RGS3: variants seen among roughly 807,000 people sequenced by gnomAD.
The protein encoded by RGS3 is regulator of G-protein signalling 3.
Under a neutral mutation model 132.6 loss-of-function variants are expected in RGS3, and 80 were observed. The observed-to-expected ratio is 0.60, with a 90% CI of 0.50 to 0.73. RGS3 has a LOEUF of 0.73. RGS3 is among the 30% of genes least tolerant of loss of function. The pLI, the probability that RGS3 is intolerant of heterozygous loss-of-function variation, is 0.00. For synonymous variants in RGS3, 598 were observed against 620.6 expected (o/e 0.96, Z 0.54); for missense variants, 1,382 against 1,530.8 (o/e 0.90, Z 1.62).
Position 113,484,130 on chromosome 9 carries a change from A to T in RGS3, c.526-8A>T. ...CCGCTAATCATGCTTCCTTTTTTCCAATTCAAGATTTCTTTGATCCCTGAA... is the reference window on the plus strand; with the variant it reads ...CCGCTAATCATGCTTCCTTTTTTCCTATTCAAGATTTCTTTGATCCCTGAA... On this transcript the variant is annotated splice_polypyrimidine_tract_variant and splice_region_variant and intron_variant, in intron 5 of 24. Transcript: ENST00000350696. The T allele has an allele frequency of 6.3e-7, 1 of 1,578,862 alleles. No individual in the cohort carries two copies.
intron 16 of RGS3, among the ~76,000 whole-genome samples, chr9:113,519,510 CAA>C (rs35813905): frequency 0.019 from 1,936 of 99,528 alleles, 17 homozygotes; most frequent in Middle Eastern, 0.053. Flanking sequence ...TTACTCACAC[CAA>C]AAAAAAAAAA....
At chr9:113,479,447 A>C in intron 3 of RGS3, 44 bp from the exon 2 acceptor site, 3 of 1,600,876 alleles carry the variant, frequency 1.9e-6, no homozygotes, top group Non-Finnish European at 1.7e-6. Flanking sequence ...CACCACACCC[A>C]CCAGGGAGCT....
intron 19 of RGS3, among the ~76,000 whole-genome samples, chr9:113,539,708 C>T (rs1408830579): frequency 1.3e-5 from 2 of 152,220 alleles, no homozygotes; most frequent in African/African-American, 4.8e-5. Flanking sequence ...AACTCCCATG[C>T]TCTTTTCAAG....
chr9:113,580,525 G>A (rs886761406), intron 19 of RGS3: 6 of 152,314 alleles, frequency 3.9e-5, no homozygotes, highest in Admixed American at 3.9e-4. Context: ...AGGAAACGGA[G>A]GCTCTGAGGT....
intron 19 of RGS3, among the ~76,000 whole-genome samples, chr9:113,574,828 T>G (rs1230644408): frequency 6.6e-6 from 1 of 152,126 alleles, no homozygotes. Flanking sequence ...GGCAGACTGG[T>G]TCCTCAGCAG....
Position 113,463,174 on chromosome 9 carries a change from G to A in RGS3, c.415+973G>A, listed in dbSNP as rs1024773247. ...GGTTGGAGCAAGCTGCTCCCATCCG[G>A]ACCTGTGTCAGGCAGCACTTGTTCA... On this transcript the variant is annotated intron_variant, in intron 3 of 24. Transcript: ENST00000350696. This position sits in a 1 kb window ranked among gnomAD's most constrained non-coding sequence, Gnocchi z 4.6. Among the ~76,000 whole-genome samples, 4 of 152,320 alleles carry A rather than the reference G, an allele frequency of 2.6e-5. No homozygotes were observed. The highest frequency in any genetic ancestry group is 2.6e-4 in the Admixed American group (4 of 15,306).
intron 19 of RGS3, among the ~76,000 whole-genome samples, chr9:113,544,816 T>TGATAAAAATGAGTGTGCTGCATTCA (rs1256904768): frequency 6.6e-5 from 10 of 152,232 alleles, no homozygotes; most frequent in Admixed American, 2.0e-4. Flanking sequence ...CACTCATTTC[T>TGATAAAAATGAGTGTGCTGCATTCA]GATAAAAAGG....
intron 10 of RGS3, among the ~76,000 whole-genome samples, chr9:113,504,749 TA>T (rs1424461963): frequency 1.3e-5 from 2 of 152,208 alleles, no homozygotes; most frequent in Middle Eastern, 3.2e-3. Context: ...CTTCTGAAAG[TA>T]GGAGTTGTGG....
chr9:113,595,528 G>T (rs928949796), intron 23 of RGS3, 71 bp from the exon 22 acceptor site: 1 of 1,545,972 alleles, frequency 6.5e-7, no homozygotes, highest in Non-Finnish European at 8.9e-7. Context: ...TCCTGTAGGG[G>T]TAAGCTGAGG....
chr9:113,496,495 G>T (rs1374740336), intron 8 of RGS3, among the ~76,000 whole-genome samples: 1 of 152,150 alleles, frequency 6.6e-6, no homozygotes, highest in Non-Finnish European at 1.5e-5. Flanking sequence ...CCTGGGGTGG[G>T]TGGCTGAGGA....
At chr9:113,468,860 C>T (rs1182515549) in intron 3 of RGS3, among the ~76,000 whole-genome samples, 2 of 151,962 alleles carry the variant, frequency 1.3e-5, no homozygotes, top group Non-Finnish European at 2.9e-5. Flanking sequence ...CATTGGGTGA[C>T]AAAATGCACC....
rs60991619 is a variant in RGS3, at chr9:113,447,329, GTATATATATATATATATATATA to G, written c.-13+2413_-13+2434del. Among the ~76,000 whole-genome samples the G allele has an allele frequency of 7.3e-4, 20 of 27,558 alleles. 2 individuals carry two copies. The South Asian group carries it at 0.012, about 17-fold the overall frequency. 18.1% of individuals were successfully genotyped at this position (27,558 alleles called of 152,430 possible). A position where few individuals can be genotyped will look rare whatever the true frequency, so the allele number is the denominator to read the frequency against. On this transcript the variant is annotated intron_variant, in intron 1 of 25. Transcript: ENST00000374140. The stretch of plus-strand genomic sequence containing the variant: ...CCAATAAATTCTGATGTATGTATAT[GTATATATATATATATATATATA>G]TATATATATAGGCAAGGGTTGAAGA...
At chr9:113,453,065 TTA>T (rs922296509) in intron 1 of RGS3, among the ~76,000 whole-genome samples, 40 of 135,106 alleles carry the variant, frequency 3.0e-4, no homozygotes, top group Non-Finnish European at 5.2e-4. Context: ...TAAGTATACA[TTA>T]TATATATTTA....
intron 19 of RGS3, among the ~76,000 whole-genome samples, chr9:113,552,831 C>G (rs1399212818): frequency 2.0e-5 from 3 of 152,058 alleles, no homozygotes; most frequent in African/African-American, 7.2e-5. Context: ...TCATATAGGT[C>G]TTGCACATTT....
chr9:113,502,511 C>T (rs1051316626), intron 10 of RGS3, among the ~76,000 whole-genome samples: 1 of 152,260 alleles, frequency 6.6e-6, no homozygotes, highest in Non-Finnish European at 1.5e-5. Context: ...TAGCCCTCCC[C>T]CGCTCTCAGG....
chr9:113,583,293 G>T, intron 19 of RGS3, 157 bp from the exon 18 acceptor site: 1 of 1,348,922 alleles, frequency 7.4e-7, no homozygotes, highest in Middle Eastern at 2.6e-4. Flanking sequence ...ACCCAGCTAA[G>T]TCAAAGGGGC....
At position 113,565,037 on chromosome 9, in the gene RGS3, T is replaced by G; in HGVS notation, c.2038-18413T>G. The G allele has an allele frequency of 8.9e-7, 1 of 1,117,842 alleles. No individual in the cohort carries two copies. Among genetic ancestry groups the G allele is most frequent in the Middle Eastern group, 4.2e-4 (1 of 2,376 alleles). The allele number at this position is 1,117,842 out of a possible 1,614,324, so 69.2% of individuals were successfully genotyped here. Reference sequence around the variant, plus strand: ...GGGAGCCCTCAGGATGTGTGTGGGGTGGAGCCTGCTAGGGATCCCAGTGCC... The same window carrying G: ...GGGAGCCCTCAGGATGTGTGTGGGGGGGAGCCTGCTAGGGATCCCAGTGCC... On this transcript the variant is annotated intron_variant, in intron 19 of 24. Coordinates refer to ENST00000350696, the Ensembl canonical transcript of RGS3. This position sits in a 1 kb window ranked among gnomAD's most constrained non-coding sequence, Gnocchi z 5.7.
chr9:113,485,991 G>A lies in RGS3; in HGVS notation c.689+298G>A, dbSNP rs187842276. ...TATTCTCAAGGTGTCCACTGTTCAC[G>A]TGGGGACACCAGGCACTGCATGGAG... On this transcript the variant is annotated intron_variant, in intron 7 of 24. Transcript: ENST00000350696. Among the ~76,000 whole-genome samples, 95 of 152,330 alleles carry A rather than the reference G, an allele frequency of 6.2e-4. No homozygotes were observed. The Middle Eastern group carries it at 0.01, about 16-fold the overall frequency.
At chr9:113,593,627 G>T in intron 21 of RGS3, 1 of 422,858 alleles carries the variant, frequency 2.4e-6, no homozygotes, top group Non-Finnish European at 4.2e-6. Context: ...GGTGACTGAG[G>T]CTGAGAGGCC....
Sources: allele counts gnomAD v4.1 joint callset (sites outside exome capture counted in the v4.1 genomes callset), GRCh38; gene constraint gnomAD v4.1.1; non-coding constraint Gnocchi (gnomAD v3.1); transcripts MANE v1.5; gene names NCBI Gene and HGNC (gene_info 2026-07-23, HGNC 2026-07-21).